Variants in NIPBL observed in about 807,000 individuals in gnomAD.
The protein encoded by NIPBL is NIPBL cohesin loading factor.
Under a neutral mutation model 321.8 loss-of-function variants are expected in NIPBL, and 19 were observed. The ratio of observed to expected loss-of-function variants is 0.06; its 90% CI spans 0.04 to 0.09. The LOEUF is 0.09. Among genes scored for constraint, NIPBL ranks in the 10% least tolerant of loss-of-function variants. NIPBL has a pLI of 1.00. For missense variants in NIPBL, 2,210 were observed against 3,327.0 expected, an observed-to-expected ratio of 0.66 and a Z score of 8.26; for synonymous variants, 1,106 against 1,114.1, an observed-to-expected ratio of 0.99 and a Z score of 0.14.
intron 34 of NIPBL, among the ~76,000 whole-genome samples, chr5:37,041,252 GTTTTTT>G (rs1163179336): frequency 1.6e-5 from 1 of 64,006 alleles, no homozygotes; most frequent in South Asian, 4.9e-4. Flanking sequence ...TTATGTGGTG[GTTTTTT>G]TTTTTTTTTT....
intron 37 of NIPBL, 68 bp downstream of exon 37, chr5:37,045,665 A>C (rs945076354): frequency 1.3e-6 from 2 of 1,498,246 alleles, no homozygotes; most frequent in Middle Eastern, 1.7e-4. Flanking sequence ...TGAGAATGAC[A>C]GTAGTGACCC....
intron 4 of NIPBL, among the ~76,000 whole-genome samples, chr5:36,959,810 A>C (rs1269236159): frequency 6.6e-6 from 1 of 152,196 alleles, no homozygotes; most frequent in African/African-American, 2.4e-5. Flanking sequence ...CTTGTTTTTT[A>C]GTCCAAAATA....
intron 40 of NIPBL, among the ~76,000 whole-genome samples, chr5:37,050,236 G>C (rs930531128): frequency 3.9e-5 from 6 of 151,914 alleles, no homozygotes; most frequent in African/African-American, 1.5e-4. Flanking sequence ...AGGCAGAGGT[G>C]GGCGGATCAC....
At chr5:36,998,853 A>T (rs1311128431) in intron 11 of NIPBL, among the ~76,000 whole-genome samples, 4 of 152,162 alleles carry the variant, frequency 2.6e-5, no homozygotes, top group Non-Finnish European at 4.4e-5. Context: ...GCATACTGTA[A>T]TCATAAAAGA....
At chr5:36,914,382 C>T (rs959228241) in intron 1 of NIPBL, among the ~76,000 whole-genome samples, 23 of 150,930 alleles carry the variant, frequency 1.5e-4, no homozygotes, top group African/African-American at 5.4e-4. Flanking sequence ...TGTTACAGGC[C>T]GAGTATCTCT....
At chr5:36,951,083 A>G (rs1466543469) in intron 1 of NIPBL, among the ~76,000 whole-genome samples, 4 of 152,166 alleles carry the variant, frequency 2.6e-5, no homozygotes, top group Admixed American at 1.3e-4. Context: ...TAAACCAAGT[A>G]AGTATTGTTG....
chr5:37,019,721 G>A (rs1749411320), intron 25 of NIPBL, among the ~76,000 whole-genome samples: 1 of 151,988 alleles, frequency 6.6e-6, no homozygotes, highest in African/African-American at 2.4e-5. Context: ...TACATGAGAT[G>A]ATCTATAAGC....
chr5:36,907,659 G>A (rs1022530139), intron 1 of NIPBL, among the ~76,000 whole-genome samples: 10 of 152,230 alleles, frequency 6.6e-5, no homozygotes, highest in African/African-American at 1.9e-4. Flanking sequence ...TAGGGTGACA[G>A]GATTATAACA....
Position 36,970,924 on chromosome 5 carries a change from A to T in NIPBL, c.659A>T (p.Asp220Val), listed in dbSNP as rs2149620002. ...GCAGGTGGTTTGAGAAACATACATG[A>T]TAATAAAGTTTCTGGTCCGTTGTCT... ...IVAGGLRNIH[D>V]NKVSGPLSGN... The change falls in exon 7 of 47, where the codon GAT becomes GTT. Residue 220 changes from aspartate to valine, a missense_variant. Physicochemically the swap from Asp to Val is radical, Grantham distance 152 (BLOSUM62 -3). Around this residue, in one of 14 missense-constraint regions of NIPBL, gnomAD observed 464 missense variants for 529.5 expected, o/e 0.88. Coordinates refer to ENST00000282516, the MANE Select transcript of NIPBL (RefSeq NM_133433.4). The T allele has an allele frequency of 1.9e-6, 3 of 1,613,592 alleles. No individual in the cohort carries two copies. The highest frequency in any genetic ancestry group is 2.2e-5 in the East Asian group (1 of 44,852).
chr5:36,928,347 G>A (rs532367077), intron 1 of NIPBL, among the ~76,000 whole-genome samples: 1 of 152,106 alleles, frequency 6.6e-6, no homozygotes, highest in Admixed American at 6.5e-5. Context: ...TTAGTCAAGT[G>A]CAAGTTAGAG....
At chr5:37,051,291 G>A (rs1753517860) in intron 40 of NIPBL, 1 of 163,074 alleles carries the variant, frequency 6.1e-6, no homozygotes, top group Admixed American at 6.2e-5. Flanking sequence ...GACTCTAGAA[G>A]TACAGTGAAT....
In NIPBL at chr5:36,985,804, G is replaced by T; in HGVS notation, c.2624G>T (p.Gly875Val). 15 of 1,613,870 alleles carry T rather than the reference G, an allele frequency of 9.3e-6. No homozygotes were observed. The highest frequency in any genetic ancestry group is 1.3e-5 in the Non-Finnish European group (15 of 1,179,938). The change falls in exon 10 of 47, where the codon GGG becomes GTG. Residue 875 changes from glycine to valine, a missense_variant. Physicochemically the swap from Gly to Val is moderately radical, Grantham distance 109 (BLOSUM62 -3). Around this residue, in one of 14 missense-constraint regions of NIPBL, gnomAD observed 588 missense variants for 564.1 expected, o/e 1.04. Coordinates refer to ENST00000282516, the MANE Select transcript of NIPBL (RefSeq NM_133433.4). ...KLERKHRHES[G>V]DSRERPSSGE... ...GAACGAAAACACAGGCATGAATCAG[G>T]GGACTCAAGGGAAAGACCATCTTCT... is the stretch of plus-strand genomic sequence containing the variant.
chr5:36,900,969 T>G (rs1488427578), intron 1 of NIPBL, among the ~76,000 whole-genome samples: 1 of 152,132 alleles, frequency 6.6e-6, no homozygotes, highest in Non-Finnish European at 1.5e-5. Flanking sequence ...TATTTTAGAT[T>G]CCAGGGGGTA....
chr5:37,018,215 C>T (rs1424902775), intron 24 of NIPBL, among the ~76,000 whole-genome samples: 1 of 152,124 alleles, frequency 6.6e-6, no homozygotes, highest in Non-Finnish European at 1.5e-5. Context: ...ACTTGGGAAC[C>T]ACTGCTTAGT....
rs1461578803 is a variant in NIPBL at position 36,913,378 on chromosome 5, T to TTTCC, written c.-80+36204_-80+36207dup. Among the ~76,000 whole-genome samples, 177 of 151,102 alleles carry TTTCC rather than the reference T, an allele frequency of 1.2e-3. 2 individuals are homozygous for TTTCC. Among genetic ancestry groups the TTTCC allele is most frequent in the African/African-American group, 4.1e-3 (165 of 40,734 alleles). ...TTTATAAAAGTGCCTAGTTTTCTTA[T>TTTCC]TTCCTTCTTTTTTTTTTTTTTTTTT... is the stretch of plus-strand genomic sequence containing the variant. On this transcript the variant is annotated intron_variant, in intron 1 of 46. Coordinates refer to ENST00000282516, the MANE Select transcript of NIPBL (RefSeq NM_133433.4).
intron 2 of NIPBL, 126 bp from the exon 3 acceptor site, chr5:36,955,346 G>A (rs745882801): frequency 1.7e-4 from 139 of 795,836 alleles, no homozygotes; most frequent in Middle Eastern, 3.3e-4. Context: ...AGGAAGAGGA[G>A]GAATGCCTTT....
At chr5:36,955,680 T>C (rs1282736264) in intron 3 of NIPBL, 43 bp downstream of exon 3, 2 of 1,553,508 alleles carry the variant, frequency 1.3e-6, no homozygotes, top group African/African-American at 2.7e-5. Context: ...TGAAAAGTTT[T>C]GGCCTTACTA....
intron 11 of NIPBL, among the ~76,000 whole-genome samples, chr5:36,999,384 C>G (rs1746524508): frequency 6.6e-6 from 1 of 152,208 alleles, no homozygotes; most frequent in South Asian, 2.1e-4. Flanking sequence ...TAGGACACAT[C>G]ACTTCTCTGC....
chr5:36,952,047 TGTGTGTGCGC>T (rs1322486983), intron 1 of NIPBL, among the ~76,000 whole-genome samples: 11 of 115,986 alleles, frequency 9.5e-5, no homozygotes, highest in African/African-American at 2.8e-4. Flanking sequence ...TGTGTGTGTG[TGTGTGTGCGC>T]GCGCGCGCGC....
Sources: allele counts gnomAD v4.1 joint callset (sites outside exome capture counted in the v4.1 genomes callset), GRCh38; gene constraint gnomAD v4.1.1; regional missense constraint gnomAD v4.1.1; transcripts MANE v1.5; gene names NCBI Gene and HGNC (gene_info 2026-07-23, HGNC 2026-07-21).